TTC27: variants seen among roughly 807,000 people sequenced by gnomAD.
TTC27 encodes the protein tetratricopeptide repeat domain 27, also known as tetratricopeptide repeat protein 27.
Under a neutral mutation model 115.9 loss-of-function variants are expected in TTC27, and 79 were observed. That is an observed-to-expected ratio of 0.68 (90% CI 0.57 to 0.82). The LOEUF (loss-of-function observed/expected upper bound fraction) is 0.82, where lower values mean the gene tolerates loss of function less well. Ranked by LOEUF, TTC27 falls within the 40% of genes least tolerant of loss-of-function variation. TTC27 has a pLI of 0.00. For missense variants in TTC27, 1,054 were observed against 993.1 expected, an observed-to-expected ratio of 1.06 and a Z score of -0.82; for synonymous variants, 401 against 356.0, an observed-to-expected ratio of 1.13 and a Z score of -1.42.
chr2:32,817,325 T>C (rs1407721167), intron 18 of TTC27, 132 bp from the exon 19 acceptor site: 7 of 664,484 alleles, frequency 1.1e-5, no homozygotes, highest in Non-Finnish European at 1.5e-5. Context: ...TTTTCAACAA[T>C]AAAAACTTTC....
At chr2:32,778,561 C>T (rs998212395) in intron 14 of TTC27, among the ~76,000 whole-genome samples, 1 of 152,156 alleles carries the variant, frequency 6.6e-6, no homozygotes, top group Admixed American at 6.5e-5. Context: ...TATAGATTCA[C>T]CTATTATGAA....
chr2:32,812,862 T>A (rs1365223129), intron 18 of TTC27, among the ~76,000 whole-genome samples: 2 of 152,202 alleles, frequency 1.3e-5, no homozygotes, highest in Admixed American at 1.3e-4. Flanking sequence ...AATTGGAAAC[T>A]TTTTTAGAGA....
intron 12 of TTC27, among the ~76,000 whole-genome samples, chr2:32,747,505 A>G (rs1290693617): frequency 6.6e-6 from 1 of 152,220 alleles, no homozygotes; most frequent in East Asian, 1.9e-4. Flanking sequence ...AGTGAAAAGC[A>G]GAATGATTAT....
intron 2 of TTC27, among the ~76,000 whole-genome samples, chr2:32,633,148 G>C (rs2151858656): frequency 6.6e-6 from 1 of 152,174 alleles, no homozygotes; most frequent in African/African-American, 2.4e-5. Context: ...TGCAACATCA[G>C]AGCTGTTAAA....
chr2:32,646,511 C>G (rs1266551433), intron 4 of TTC27, among the ~76,000 whole-genome samples: 1 of 147,830 alleles, frequency 6.8e-6, no homozygotes, highest in Non-Finnish European at 1.5e-5. Flanking sequence ...CTGAAAAGGT[C>G]TGTTACACTG....
At chr2:32,657,861 C>CT (rs1559190957) in intron 5 of TTC27, among the ~76,000 whole-genome samples, 1 of 151,978 alleles carries the variant, frequency 6.6e-6, no homozygotes, top group South Asian at 2.1e-4. Context: ...GAGTTTCACT[C>CT]TTTTTTTGCT....
chr2:32,739,497 A>T (rs1668555895), intron 12 of TTC27, among the ~76,000 whole-genome samples: 1 of 152,256 alleles, frequency 6.6e-6, no homozygotes, highest in South Asian at 2.1e-4. Context: ...AAATGTGCAC[A>T]TGACCTTGTA....
intron 9 of TTC27, among the ~76,000 whole-genome samples, chr2:32,689,912 ATTTAT>A (rs1666756093): frequency 6.6e-6 from 1 of 152,212 alleles, no homozygotes; most frequent in South Asian, 2.1e-4. Flanking sequence ...AATTAGTAGA[ATTTAT>A]TTTAAGTCTG....
chr2:32,716,518 C>T (rs527248990), intron 10 of TTC27, among the ~76,000 whole-genome samples: 1 of 152,166 alleles, frequency 6.6e-6, no homozygotes, highest in East Asian at 1.9e-4. Context: ...TTTAATACTT[C>T]TGTCTCTTGA....
In TTC27 at chr2:32,673,789, G is replaced by A. The variant is rs1359309125; in HGVS notation, c.1052+1405G>A. 3.9e-5 allele frequency among the ~76,000 whole-genome samples: 6 copies of A among 151,918 alleles called. No individual in the cohort carries two copies. In the East Asian group the frequency reaches 1.2e-3, roughly 30 times the overall value. ...GCGGATGGATCACCCAAGGTCAGGA[G>A]TTTGAGACCAGGCTGGCCAACATGG... On this transcript the variant is annotated intron_variant, in intron 8 of 19. Coordinates refer to ENST00000317907, the MANE Select transcript of TTC27 (RefSeq NM_017735.5).
chr2:32,664,450 T>C lies in TTC27; in HGVS notation c.788T>C (p.Leu263Ser). Residue 263 changes from leucine (L) to serine (S), a missense_variant, in exon 6 of 20, where the codon TTA (leucine) becomes TCA (serine). Coordinates refer to ENST00000317907, the MANE Select transcript of TTC27 (RefSeq NM_017735.5). ...GATATTGCTAAGGACATCAGCCAAT[T>C]ACAAATTGATTTGACAGGTAAGACT... is the stretch of plus-strand genomic sequence containing the variant. ...QLDIAKDISQLQIDLTGALGK... is the reference protein window; with the variant it reads ...QLDIAKDISQSQIDLTGALGK... The C allele has an allele frequency of 6.2e-7, 1 of 1,603,168 alleles. No individual in the cohort carries two copies. The highest frequency in any genetic ancestry group is 8.5e-7 in the Non-Finnish European group (1 of 1,177,750).
intron 4 of TTC27, among the ~76,000 whole-genome samples, chr2:32,649,728 T>C (rs1665013366): frequency 6.6e-6 from 1 of 152,024 alleles, no homozygotes; most frequent in Non-Finnish European, 1.5e-5. Context: ...ATATTTTTAA[T>C]AGAGGCAGGG....
At chr2:32,750,141 A>G (rs1668959367) in intron 12 of TTC27, among the ~76,000 whole-genome samples, 1 of 152,218 alleles carries the variant, frequency 6.6e-6, no homozygotes, top group African/African-American at 2.4e-5. Flanking sequence ...TAAATCCAAG[A>G]AGCCAAATAC....
At chr2:32,790,318 C>T (rs1282421532) in intron 16 of TTC27, among the ~76,000 whole-genome samples, 1 of 151,724 alleles carries the variant, frequency 6.6e-6, no homozygotes, top group Non-Finnish European at 1.5e-5. Context: ...TTAATACAGA[C>T]ATAGGGTAAA....
chr2:32,654,922 C>T (rs183240643), intron 5 of TTC27, among the ~76,000 whole-genome samples: 71 of 150,150 alleles, frequency 4.7e-4, no homozygotes, highest in African/African-American at 1.7e-3. Flanking sequence ...TGTCCAACTC[C>T]TGACCTCAAA....
At chr2:32,665,109 A>C (rs1477484181) in intron 6 of TTC27, among the ~76,000 whole-genome samples, 1 of 152,006 alleles carries the variant, frequency 6.6e-6, no homozygotes, top group East Asian at 1.9e-4. Flanking sequence ...GGCCTCCCGA[A>C]GTGCTGGGAC....
intron 12 of TTC27, among the ~76,000 whole-genome samples, chr2:32,754,986 C>A (rs1380592254): frequency 6.7e-6 from 1 of 148,492 alleles, no homozygotes; most frequent in Non-Finnish European, 1.5e-5. Context: ...TCAGACGGGG[C>A]GGCTGCCGGG....
chr2:32,815,585 T>C (rs887448616), intron 18 of TTC27, among the ~76,000 whole-genome samples: 1 of 152,148 alleles, frequency 6.6e-6, no homozygotes, highest in African/African-American at 2.4e-5. Context: ...TATAATGCCT[T>C]TTGGAAATGG....
At chr2:32,638,599 G>A (rs1198708030) in intron 3 of TTC27, among the ~76,000 whole-genome samples, 3 of 152,032 alleles carry the variant, frequency 2.0e-5, no homozygotes, top group South Asian at 2.1e-4. Context: ...GGCTGTTCTC[G>A]AACTCCTGAC....
Sources: gnomAD v4.1 joint callset for allele counts (sites outside exome capture counted in the v4.1 genomes callset) on GRCh38, gnomAD v4.1.1 for gene constraint, MANE v1.5 for transcripts, NCBI Gene and HGNC (gene_info 2026-07-23, HGNC 2026-07-21) for gene names.